Variants in RPP30 observed in about 807,000 individuals in gnomAD.
The protein encoded by RPP30 is ribonuclease P protein subunit p30.
RPP30 carries 36 observed loss-of-function variants against 38.6 expected under a neutral mutation model. That is an observed-to-expected ratio of 0.93 (90% CI 0.71 to 1.23). The LOEUF (loss-of-function observed/expected upper bound fraction) is 1.23, where lower values mean the gene tolerates loss of function less well. RPP30 is among the 50% of genes most tolerant of loss of function. The pLI, the probability that RPP30 is intolerant of heterozygous loss-of-function variation, is 0.00. For missense variants in RPP30, 321 were observed against 321.7 expected (o/e 1.00, Z 0.02); for synonymous variants, 126 against 112.7 (o/e 1.12, Z -0.75).
chr10:90,895,501 T>C lies in RPP30; in HGVS notation c.579+18T>C. 1.5e-6 allele frequency: 2 copies of C among 1,338,950 alleles called. No homozygotes were observed. The highest frequency in any genetic ancestry group is 2.0e-6 in the Non-Finnish European group (2 of 1,020,644). 82.9% of individuals were successfully genotyped at this position (1,338,950 alleles called of 1,614,324 possible). On this transcript the variant is annotated intron_variant, in intron 8 of 10. Coordinates refer to ENST00000371703, the MANE Select transcript of RPP30 (RefSeq NM_006413.5). ...CAGAAAGGGTAAGTCTAGCATGAAGTACTTTGTTTTCATCTTTCAGGTTAT... is the reference window on the plus strand; with the variant it reads ...CAGAAAGGGTAAGTCTAGCATGAAGCACTTTGTTTTCATCTTTCAGGTTAT...
intron 2 of RPP30, 61 bp from the exon 3 acceptor site, chr10:90,875,497 C>G (rs1460324026): frequency 6.1e-6 from 8 of 1,315,156 alleles, no homozygotes; most frequent in Admixed American, 3.5e-5. Context: ...CGTAATTTTT[C>G]CATTATGCCT....
At chr10:90,888,938 G>A (rs986743146) in intron 6 of RPP30, among the ~76,000 whole-genome samples, 1 of 152,144 alleles carries the variant, frequency 6.6e-6, no homozygotes, top group Non-Finnish European at 1.5e-5. Context: ...AAGAAAGGCT[G>A]CACAAGATTA....
chr10:90,900,892 G>A lies in RPP30; in HGVS notation c.*213G>A, dbSNP rs1455667196. ...GGCTGCCAGCTTAATGAATTTAGAT[G>A]TACTTTAAGAGAGAAAGACTGGTTA... is the stretch of plus-strand genomic sequence containing the variant. On this transcript the variant is annotated 3_prime_UTR_variant, in exon 11 of 11. Coordinates refer to ENST00000371703, the MANE Select transcript of RPP30 (RefSeq NM_006413.5). 2 of 1,285,934 alleles carry A rather than the reference G, an allele frequency of 1.6e-6. No homozygotes were observed. The highest frequency in any genetic ancestry group is 1.5e-5 in the African/African-American group (1 of 65,930). 79.7% of individuals were successfully genotyped at this position (1,285,934 alleles called of 1,614,324 possible).
chr10:90,900,331 C>T (rs1278294001), intron 10 of RPP30, among the ~76,000 whole-genome samples: 1 of 152,204 alleles, frequency 6.6e-6, no homozygotes, highest in Non-Finnish European at 1.5e-5. Flanking sequence ...TTAGAGATAA[C>T]ACTGTCCTGC....
intron 6 of RPP30, among the ~76,000 whole-genome samples, chr10:90,889,721 G>T (rs1372051219): frequency 6.6e-6 from 1 of 152,150 alleles, no homozygotes; most frequent in African/African-American, 2.4e-5. Flanking sequence ...GGAAGGTTGG[G>T]ATTGTGAAGG....
rs183511221 is a variant in RPP30 at position 90,876,821 on chromosome 10, G to T, written c.270+723G>T. Among the ~76,000 whole-genome samples, 8 of 152,258 alleles carry T rather than the reference G, an allele frequency of 5.3e-5. No homozygotes were observed. The East Asian group carries it at 1.4e-3, about 26-fold the overall frequency. On this transcript the variant is annotated intron_variant, in intron 4 of 10. Coordinates refer to ENST00000371703, the MANE Select transcript of RPP30 (RefSeq NM_006413.5). ...TTTGAATTACAGAGAATGGATTAGA[G>T]GGAGTTAAGGAGGGTACTTAAGAGG...
chr10:90,872,378 ATCT>A (rs1846790188), intron 1 of RPP30, among the ~76,000 whole-genome samples: 1 of 152,198 alleles, frequency 6.6e-6, no homozygotes, highest in South Asian at 2.1e-4. Flanking sequence ...CAAGGGTACA[ATCT>A]TCTAAGCTTC....
At chr10:90,875,708 A>C in intron 3 of RPP30, 94 bp downstream of exon 3, 1 of 1,030,762 alleles carries the variant, frequency 9.7e-7, no homozygotes, top group South Asian at 1.3e-5. Flanking sequence ...GCTGCACCTT[A>C]CTCTGAGTAC....
chr10:90,900,520 T>A (rs1847187513), intron 10 of RPP30, 50 bp from the exon 11 acceptor site: 2 of 1,564,882 alleles, frequency 1.3e-6, no homozygotes, highest in African/African-American at 1.4e-5. Context: ...CACCTCATTT[T>A]AAATTATGTC....
chr10:90,893,949 T>C (rs1023976688), intron 6 of RPP30, among the ~76,000 whole-genome samples: 3 of 152,186 alleles, frequency 2.0e-5, no homozygotes, highest in Non-Finnish European at 4.4e-5. Context: ...AATTTCAATA[T>C]CATTTCCACT....
intron 5 of RPP30, among the ~76,000 whole-genome samples, chr10:90,883,289 CAAAA>C (rs35852982): frequency 8.4e-6 from 1 of 119,328 alleles, no homozygotes. Flanking sequence ...AGTCTCTGGC[CAAAA>C]AAAAAAAAAA....
intron 10 of RPP30, among the ~76,000 whole-genome samples, chr10:90,898,478 A>C (rs1011432205): frequency 6.6e-5 from 10 of 152,324 alleles, no homozygotes; most frequent in Non-Finnish European, 1.0e-4. Flanking sequence ...AAGGATTCTG[A>C]GACAAGGAAA....
intron 9 of RPP30, among the ~76,000 whole-genome samples, 175 bp downstream of exon 9, chr10:90,896,092 A>T (rs1330198013): frequency 6.6e-6 from 1 of 152,200 alleles, no homozygotes; most frequent in African/African-American, 2.4e-5. Flanking sequence ...CTGTTTTTTA[A>T]TTAATCATGA....
chr10:90,875,870 C>G (rs1355698701), intron 3 of RPP30, among the ~76,000 whole-genome samples, 154 bp from the exon 4 acceptor site: 1 of 152,104 alleles, frequency 6.6e-6, no homozygotes, highest in Non-Finnish European at 1.5e-5. Context: ...CTTTCTGTGG[C>G]TGTATTGTAA....
In RPP30 at chr10:90,872,046, A is replaced by G; in HGVS notation, c.60A>G (p.Gly20=). The part of the protein sequence containing the change: ...RAGSDLKALR[G]LVETAAHLGY... ...GTTCTGACCTGAAGGCTCTGCGCGG[A>G]CTTGTGGAGACAGCCGCTCACCGTG... Residue 20 remains glycine (G), a synonymous_variant, in exon 1 of 11, where the codon GGA becomes GGG. Coordinates refer to ENST00000371703, the MANE Select transcript of RPP30 (RefSeq NM_006413.5). 1.2e-6 allele frequency: 2 copies of G among 1,613,936 alleles called. No homozygotes were observed. The highest frequency in any genetic ancestry group is 1.7e-6 in the Non-Finnish European group (2 of 1,179,974).
chr10:90,890,073 A>G (rs1202186998), intron 6 of RPP30, among the ~76,000 whole-genome samples: 1 of 152,226 alleles, frequency 6.6e-6, no homozygotes, highest in Non-Finnish European at 1.5e-5. Context: ...CAGGTAATAC[A>G]GTAGAATCTT....
In RPP30 at chr10:90,896,376, A is replaced by G. The variant is rs546139742; in HGVS notation, c.681A>G (p.Ala227=). The change falls in exon 10 of 11, where the codon GCA becomes GCG. Residue 227 remains alanine, a synonymous_variant. Transcript: ENST00000371703. Reference sequence around the variant, plus strand: ...CTGCGGTGTCCACCAACTGCCGAGCAGCGCTTCTCCATGGAGGTAAGCAAG... The same window carrying G: ...CTGCGGTGTCCACCAACTGCCGAGCGGCGCTTCTCCATGGAGGTAAGCAAG... The part of the protein sequence containing the change: ...AKAAVSTNCR[A]ALLHGETRKT... 1 of 1,614,076 alleles carries G rather than the reference A, an allele frequency of 6.2e-7. No individual in the cohort carries two copies. Among genetic ancestry groups the G allele is most frequent in the Admixed American group, 1.7e-5 (1 of 60,018 alleles).
Position 90,900,616 on chromosome 10 carries a change from T to C in RPP30, c.744T>C (p.Pro248=). The change falls in exon 11 of 11, where the codon CCT becomes CCC. Residue 248 remains proline, a synonymous_variant. Transcript: ENST00000371703. ...AFGIISTVKK[P]RPSEGDEDCL... ...GAATTATCTCTACAGTGAAGAAACCTCGGCCATCAGAAGGAGATGAAGATT... is the reference window on the plus strand; with the variant it reads ...GAATTATCTCTACAGTGAAGAAACCCCGGCCATCAGAAGGAGATGAAGATT... 1 of 1,613,720 alleles carries C rather than the reference T, an allele frequency of 6.2e-7. No individual in the cohort carries two copies.
chr10:90,888,365 T>C (rs1405762496), intron 6 of RPP30, among the ~76,000 whole-genome samples: 2 of 152,202 alleles, frequency 1.3e-5, no homozygotes, highest in African/African-American at 4.8e-5. Context: ...GTGGTAAGAT[T>C]CCCAGTGGCT....
Sources: gnomAD v4.1 joint callset for allele counts (sites outside exome capture counted in the v4.1 genomes callset) on GRCh38, gnomAD v4.1.1 for gene constraint, MANE v1.5 for transcripts, NCBI Gene and HGNC (gene_info 2026-07-23, HGNC 2026-07-21) for gene names.